Variants in FAM171A1 observed in about 807,000 individuals in gnomAD.
FAM171A1 encodes the protein family with sequence similarity 171 member A1, also known as protein FAM171A1.
A neutral mutation model predicts 74.9 loss-of-function variants in FAM171A1; 23 were observed. The ratio of observed to expected loss-of-function variants is 0.31; its 90% CI spans 0.22 to 0.44. FAM171A1 has a LOEUF of 0.44. Ranked by LOEUF, FAM171A1 falls within the 20% of genes least tolerant of loss-of-function variation. The pLI is 1.00. For missense variants in FAM171A1, 1,162 were observed against 1,159.2 expected (o/e 1.00, Z -0.03); for synonymous variants, 527 against 505.7 (o/e 1.04, Z -0.57).
intron 3 of FAM171A1, among the ~76,000 whole-genome samples, chr10:15,267,924 C>T (rs987710106): frequency 1.3e-4 from 20 of 152,284 alleles, no homozygotes; most frequent in Middle Eastern, 3.4e-3. Flanking sequence ...AGTAAAACCA[C>T]ACATTGCCTC....
intron 3 of FAM171A1, among the ~76,000 whole-genome samples, chr10:15,268,261 C>T (rs375351008): frequency 4.7e-4 from 71 of 152,158 alleles, no homozygotes; most frequent in African/African-American, 1.7e-3. Flanking sequence ...ATTTGGTCAC[C>T]CTCACTTTGT....
rs151321027 is a variant in FAM171A1 at position 15,214,112 on chromosome 10, C to T, written c.1476G>A (p.Val492=). 113 of 1,614,154 alleles carry T rather than the reference C, an allele frequency of 7.0e-5. No homozygotes were observed. In the African/African-American group the frequency reaches 1.4e-3, roughly 21 times the overall value. The stretch of plus-strand genomic sequence containing the variant: ...GCTTTTCAAATAAAGGCTGTGAGAG[C>T]ACGGTGTTGTAACTACCCCTGTAGT... The part of the protein sequence containing the change: ...NDDYRGSYNT[V]LSQPLFEKQD... The change falls in exon 8 of 8, where the codon GTG becomes GTA. Residue 492 remains valine (V), a synonymous_variant. Transcript: ENST00000378116.
At chr10:15,283,795 A>G in intron 2 of FAM171A1, 83 bp downstream of exon 2, 1 of 1,380,584 alleles carries the variant, frequency 7.2e-7, no homozygotes, top group Non-Finnish European at 1.0e-6. Flanking sequence ...ATGTTGCCCA[A>G]GCTGGTTTCA....
At chr10:15,369,866 CCTCGGGCTCG>C (rs1426415522) in intron 1 of FAM171A1, among the ~76,000 whole-genome samples, 1 of 152,208 alleles carries the variant, frequency 6.6e-6, no homozygotes, top group Non-Finnish European at 1.5e-5. Context: ...AGGGGACAGG[CCTCGGGCTCG>C]GAATCCCGGG....
intron 1 of FAM171A1, among the ~76,000 whole-genome samples, chr10:15,345,465 G>A (rs558810599): frequency 2.6e-5 from 4 of 152,346 alleles, no homozygotes; most frequent in Admixed American, 2.6e-4. Context: ...TTTAGGAAGA[G>A]TGAAAATGAC....
rs190586810 is a variant in FAM171A1, at chr10:15,286,518, G to T, written c.98-2413C>A. Among the ~76,000 whole-genome samples the T allele has an allele frequency of 1.1e-4, 17 of 152,248 alleles. No homozygotes were observed. In the East Asian group the frequency reaches 1.9e-3, roughly 17 times the overall value. On this transcript the variant is annotated intron_variant, in intron 1 of 7. Transcript: ENST00000378116. ...GTTGCTCTTGAACTCCTGATGTCAGGTGATCCACCCACCTCGGGCTCCCAA... is the reference window on the plus strand; with the variant it reads ...GTTGCTCTTGAACTCCTGATGTCAGTTGATCCACCCACCTCGGGCTCCCAA...
intron 5 of FAM171A1, among the ~76,000 whole-genome samples, chr10:15,231,012 T>C (rs1834198224): frequency 6.6e-6 from 1 of 152,170 alleles, no homozygotes; most frequent in South Asian, 2.1e-4. Flanking sequence ...TCCCCTGCAT[T>C]GGAAAAATCC....
intron 1 of FAM171A1, among the ~76,000 whole-genome samples, chr10:15,326,596 G>C (rs1438067307): frequency 6.6e-6 from 1 of 151,914 alleles, no homozygotes; most frequent in Non-Finnish European, 1.5e-5. Flanking sequence ...TTACAAGTGT[G>C]AGCCACCACA....
At chr10:15,349,726 T>C (rs1434832783) in intron 1 of FAM171A1, among the ~76,000 whole-genome samples, 1 of 152,156 alleles carries the variant, frequency 6.6e-6, no homozygotes, top group Non-Finnish European at 1.5e-5. Flanking sequence ...ATGTTCATAA[T>C]CTCTTTCTGC....
chr10:15,310,515 CA>C (rs1835347519), intron 1 of FAM171A1, among the ~76,000 whole-genome samples: 1 of 152,162 alleles, frequency 6.6e-6, no homozygotes, highest in Non-Finnish European at 1.5e-5. Context: ...AACCCAATAC[CA>C]AATGTTCTCT....
rs142483150 is a variant in FAM171A1 at position 15,322,536 on chromosome 10, G to A, written c.98-38431C>T. Among the ~76,000 whole-genome samples, 149 of 152,314 alleles carry A rather than the reference G, an allele frequency of 9.8e-4. 1 individual carries two copies. The highest frequency in any genetic ancestry group is 3.0e-3 in the African/African-American group (126 of 41,566). On this transcript the variant is annotated intron_variant, in intron 1 of 7. Coordinates refer to ENST00000378116, the MANE Select transcript of FAM171A1 (RefSeq NM_001010924.2). ...TCTAAGGTACCCCCAAAAGGACACT[G>A]CATGCATTCAGCTGCACTGATCTCC... is the stretch of plus-strand genomic sequence containing the variant.
At chr10:15,365,767 T>TA (rs3033606) in intron 1 of FAM171A1, among the ~76,000 whole-genome samples, 53,616 of 144,574 alleles carry the variant, frequency 0.37, 9,805 homozygotes, top group Non-Finnish European at 0.41. Flanking sequence ...GAGACTCTGT[T>TA]AAAAAAAAAA....
chr10:15,318,405 A>T (rs1159141365), intron 1 of FAM171A1, among the ~76,000 whole-genome samples: 1 of 152,184 alleles, frequency 6.6e-6, no homozygotes, highest in African/African-American at 2.4e-5. Flanking sequence ...AGGGGTCACG[A>T]AGCTGGTTAC....
rs1189698057 is a variant in FAM171A1, at chr10:15,371,235, C to A, written c.-183G>T. On this transcript the variant is annotated 5_prime_UTR_variant, in exon 1 of 8. Coordinates refer to ENST00000378116, the MANE Select transcript of FAM171A1 (RefSeq NM_001010924.2). ...TCCCGCGCCCCGCGCCGGGTTTCCC[C>A]GAAGAGCCGCGGCGGCGGCGGCGGC... 7.5e-6 allele frequency among the ~76,000 whole-genome samples: 1 copy of A among 133,708 alleles called. No homozygotes were observed. Among genetic ancestry groups the A allele is most frequent in the Non-Finnish European group, 1.7e-5 (1 of 60,426 alleles). 87.7% of individuals were successfully genotyped at this position (133,708 alleles called of 152,430 possible).
chr10:15,318,333 TGGTCCTTCCCG>T (rs1835447024), intron 1 of FAM171A1, among the ~76,000 whole-genome samples: 1 of 152,170 alleles, frequency 6.6e-6, no homozygotes, highest in South Asian at 2.1e-4. Context: ...AAGTTCTGCT[TGGTCCTTCCCG>T]GAAGGGAAAA....
At chr10:15,347,508 T>A (rs1386682247) in intron 1 of FAM171A1, among the ~76,000 whole-genome samples, 1 of 152,166 alleles carries the variant, frequency 6.6e-6, no homozygotes, top group Non-Finnish European at 1.5e-5. Context: ...ATTTTTATTG[T>A]TATGAACGGA....
intron 1 of FAM171A1, among the ~76,000 whole-genome samples, chr10:15,365,136 C>G (rs11259626): frequency 0.025 from 3,798 of 152,268 alleles, 158 homozygotes; most frequent in African/African-American, 0.087. Context: ...GAACAAGGAA[C>G]ATCAACTTTA....
At chr10:15,275,061 T>C (rs751640365) in intron 3 of FAM171A1, among the ~76,000 whole-genome samples, 7 of 152,012 alleles carry the variant, frequency 4.6e-5, no homozygotes, top group South Asian at 2.1e-4. Context: ...ATGAGAACAT[T>C]TGGACACAGG....
In FAM171A1 at chr10:15,370,950, A is replaced by T; in HGVS notation, c.97+6T>A. On this transcript the variant is annotated splice_donor_region_variant and intron_variant, in intron 1 of 7. Coordinates refer to ENST00000378116, the MANE Select transcript of FAM171A1 (RefSeq NM_001010924.2). ...AAAGCCCCCGGCCCCGCCGCCGCCC[A>T]CTGACCTTGGGCTCCGGCGCCGGGC... The T allele has an allele frequency of 8.7e-7, 1 of 1,143,338 alleles. No homozygotes were observed. The highest frequency in any genetic ancestry group is 1.1e-6 in the Non-Finnish European group (1 of 913,014). The allele number at this position is 1,143,338 out of a possible 1,614,324, so 70.8% of individuals were successfully genotyped here.
Sources: allele counts gnomAD v4.1 joint callset (sites outside exome capture counted in the v4.1 genomes callset), GRCh38; gene constraint gnomAD v4.1.1; transcripts MANE v1.5; gene names NCBI Gene and HGNC (gene_info 2026-07-23, HGNC 2026-07-21).